STK39: variants seen among roughly 807,000 people sequenced by gnomAD.
STK39 encodes serine/threonine kinase 39, also known as STE20/SPS1-related proline-alanine-rich protein kinase.
STK39 carries 20 observed loss-of-function variants against 77.8 expected under a neutral mutation model. The ratio of observed to expected loss-of-function variants is 0.26; its 90% CI spans 0.18 to 0.37. STK39 has a LOEUF of 0.37. STK39 is among the 10% of genes least tolerant of loss of function. STK39 has a pLI of 1.00. For missense variants in STK39, 479 were observed against 656.5 expected (o/e 0.73, Z 2.95); for synonymous variants, 246 against 234.1 (o/e 1.05, Z -0.47).
intron 10 of STK39, among the ~76,000 whole-genome samples, chr2:168,106,367 T>C (rs1686973933): frequency 6.6e-6 from 1 of 152,216 alleles, no homozygotes; most frequent in Non-Finnish European, 1.5e-5. Flanking sequence ...GCGCAATCTT[T>C]GACTTAGTTT....
chr2:168,135,412 A>G (rs975830325), intron 8 of STK39, among the ~76,000 whole-genome samples: 8 of 152,222 alleles, frequency 5.3e-5, no homozygotes, highest in Non-Finnish European at 1.2e-4. Context: ...CCCACTGTAC[A>G]GACAAGAAAG....
intron 14 of STK39, among the ~76,000 whole-genome samples, chr2:168,049,957 C>G (rs1383558752): frequency 6.6e-6 from 1 of 152,218 alleles, no homozygotes; most frequent in Non-Finnish European, 1.5e-5. Flanking sequence ...TTCCAGATCT[C>G]TACTTGAAAG....
At chr2:168,053,050 C>CA (rs1685437388) in intron 14 of STK39, among the ~76,000 whole-genome samples, 1 of 152,188 alleles carries the variant, frequency 6.6e-6, no homozygotes, top group South Asian at 2.1e-4. Context: ...TCAGGCTTCT[C>CA]AAAGTCTAAG....
chr2:167,985,063 A>C (rs13429853), intron 16 of STK39, among the ~76,000 whole-genome samples: 84,341 of 152,062 alleles, frequency 0.55, 24,668 homozygotes, highest in African/African-American at 0.67. Context: ...TTCTAAGACA[A>C]CTGCCTGCAT....
At chr2:168,012,307 A>C (rs1684289334) in intron 16 of STK39, among the ~76,000 whole-genome samples, 1 of 151,738 alleles carries the variant, frequency 6.6e-6, no homozygotes. Context: ...CGAGTAGTTG[A>C]GATTACGGGC....
chr2:168,017,181 A>G, intron 14 of STK39, 86 bp from the exon 15 acceptor site: 1 of 860,884 alleles, frequency 1.2e-6, no homozygotes, highest in East Asian at 2.7e-5. Flanking sequence ...ACAAGATGCT[A>G]CTAACATGTG....
intron 14 of STK39, among the ~76,000 whole-genome samples, chr2:168,042,806 C>T (rs985136014): frequency 1.3e-5 from 2 of 152,184 alleles, no homozygotes. Context: ...TCTTGAACTC[C>T]TGACCTTGTG....
intron 10 of STK39, among the ~76,000 whole-genome samples, chr2:168,106,593 G>A (rs1686980439): frequency 6.6e-6 from 1 of 152,180 alleles, no homozygotes. Context: ...GCCAAGGCAG[G>A]AGGATCGCTT....
chr2:168,074,726 A>C (rs1301093857), intron 12 of STK39, among the ~76,000 whole-genome samples: 1 of 152,216 alleles, frequency 6.6e-6, no homozygotes, highest in Non-Finnish European at 1.5e-5. Context: ...GCCAACCCTC[A>C]TGGCGACTTT....
intron 1 of STK39, among the ~76,000 whole-genome samples, chr2:168,195,735 G>C (rs1366753154): frequency 6.6e-6 from 1 of 152,216 alleles, no homozygotes; most frequent in Non-Finnish European, 1.5e-5. Context: ...CACCACTATT[G>C]GCTGCGCGAG....
intron 16 of STK39, among the ~76,000 whole-genome samples, chr2:168,003,087 G>A (rs2105300305): frequency 6.6e-6 from 1 of 152,138 alleles, no homozygotes; most frequent in East Asian, 1.9e-4. Context: ...GGGTTGAAAC[G>A]ATTCTCCTGC....
At chr2:167,988,916 A>C (rs1441966114) in intron 16 of STK39, among the ~76,000 whole-genome samples, 1 of 152,204 alleles carries the variant, frequency 6.6e-6, no homozygotes, top group East Asian at 1.9e-4. Flanking sequence ...TGATAGATCG[A>C]GAGCAATCAG....
chr2:168,221,682 G>GA (rs1395553643), intron 1 of STK39, among the ~76,000 whole-genome samples: 6 of 152,118 alleles, frequency 3.9e-5, no homozygotes, highest in Non-Finnish European at 7.3e-5. Flanking sequence ...ACCTCAAAGG[G>GA]TATAATCATT....
chr2:168,166,746 G>C (rs1261196739), intron 3 of STK39, among the ~76,000 whole-genome samples: 1 of 152,088 alleles, frequency 6.6e-6, no homozygotes, highest in Non-Finnish European at 1.5e-5. Flanking sequence ...GAGTCACATG[G>C]GATTAGTAAA....
intron 14 of STK39, among the ~76,000 whole-genome samples, chr2:168,048,434 G>A (rs971395577): frequency 3.3e-5 from 5 of 151,966 alleles, no homozygotes; most frequent in African/African-American, 7.3e-5. Flanking sequence ...GGACGGTCTC[G>A]ATCTCCTGAC....
intron 5 of STK39, among the ~76,000 whole-genome samples, chr2:168,146,627 G>C (rs1457626507): frequency 6.6e-6 from 1 of 152,106 alleles, no homozygotes; most frequent in African/African-American, 2.4e-5. Flanking sequence ...ATTGTTGAGG[G>C]GCCCAACCAA....
intron 10 of STK39, among the ~76,000 whole-genome samples, chr2:168,086,555 A>G (rs1216054594): frequency 6.6e-6 from 1 of 152,242 alleles, no homozygotes; most frequent in Non-Finnish European, 1.5e-5. Flanking sequence ...CAAAAGAATG[A>G]GGATATGAAA....
chr2:168,139,787 C>T (rs13386196), intron 7 of STK39, among the ~76,000 whole-genome samples: 5,254 of 151,920 alleles, frequency 0.035, 268 homozygotes, highest in East Asian at 0.23. Context: ...AGAGCAGAAA[C>T]GTGAAAATAG....
At chr2:168,181,926 A>G (rs973017106) in intron 2 of STK39, 52 bp downstream of exon 2, 4 of 1,483,590 alleles carry the variant, frequency 2.7e-6, no homozygotes, top group Non-Finnish European at 3.8e-6. Context: ...ATCCCCATAT[A>G]CCCATAGATT....
Sources: allele counts gnomAD v4.1 joint callset (sites outside exome capture counted in the v4.1 genomes callset), GRCh38; gene constraint gnomAD v4.1.1; transcripts MANE v1.5; gene names NCBI Gene and HGNC (gene_info 2026-07-23, HGNC 2026-07-21).